The following KIF26B variants were observed in gnomAD, a reference collection of about 807,000 sequenced individuals.
KIF26B encodes kinesin family member 26B, also known as kinesin-like protein KIF26B.
A neutral mutation model predicts 151.2 loss-of-function variants in KIF26B; 63 were observed. The observed-to-expected ratio is 0.42, with a 90% CI of 0.34 to 0.51. The LOEUF is 0.51. Among genes scored for constraint, KIF26B ranks in the 20% least tolerant of loss-of-function variants. KIF26B has a pLI of 0.07. For missense variants in KIF26B, 2,813 were observed against 2,913.6 expected (o/e 0.97, Z 0.79); for synonymous variants, 1,357 against 1,262.1 (o/e 1.08, Z -1.59).
intron 5 of KIF26B, among the ~76,000 whole-genome samples, chr1:245,569,647 CTGGATGTGG>C (rs1163556588): frequency 1.3e-5 from 2 of 151,706 alleles, no homozygotes; most frequent in African/African-American, 4.8e-5. Context: ...CAAAAATTAG[CTGGATGTGG>C]TGGTGCATGC....
In KIF26B at chr1:245,366,704, G is replaced by T. The variant is rs1156612318; in HGVS notation, c.466-130G>T. The T allele has an allele frequency of 3.1e-5, 25 of 804,202 alleles. No individual in the cohort carries two copies. The East Asian group carries it at 6.7e-4, about 22-fold the overall frequency. 49.8% of individuals were successfully genotyped at this position (804,202 alleles called of 1,614,324 possible). On this transcript the variant is annotated intron_variant, in intron 2 of 14. Coordinates refer to ENST00000407071, the MANE Select transcript of KIF26B (RefSeq NM_018012.4). ...TCTGCCAGTGTGTCTTCTCATTTCT[G>T]TGGAATGCCAATCAAACTATCCAAC... is the stretch of plus-strand genomic sequence containing the variant.
At chr1:245,456,320 A>G (rs1285789771) in intron 4 of KIF26B, among the ~76,000 whole-genome samples, 2 of 152,236 alleles carry the variant, frequency 1.3e-5, no homozygotes, top group Non-Finnish European at 2.9e-5. Flanking sequence ...TGCCATGAAT[A>G]TGTTTGCACA....
chr1:245,334,670 AG>A (rs886804591), intron 2 of KIF26B, among the ~76,000 whole-genome samples: 1 of 152,214 alleles, frequency 6.6e-6, no homozygotes, highest in African/African-American at 2.4e-5. Flanking sequence ...GGGCAGACAA[AG>A]GAACAGAAAC....
At chr1:245,371,936 C>T (rs1005515644) in intron 3 of KIF26B, among the ~76,000 whole-genome samples, 17 of 152,118 alleles carry the variant, frequency 1.1e-4, no homozygotes, top group African/African-American at 3.6e-4. Context: ...GATTATAAGA[C>T]GGGCTTTCAA....
At position 245,685,534 on chromosome 1, in the gene KIF26B, G is replaced by C; in HGVS notation, c.2551G>C (p.Asp851His). The C allele has an allele frequency of 6.2e-7, 1 of 1,613,808 alleles. No individual in the cohort carries two copies. The highest frequency in any genetic ancestry group is 8.5e-7 in the Non-Finnish European group (1 of 1,179,884). The change falls in exon 12 of 15, where the codon GAC becomes CAC. Residue 851 changes from aspartate to histidine, a missense_variant. Physicochemically the swap from Asp to His is moderately conservative, Grantham distance 81. Transcript: ENST00000407071. ...CTTCCCCATCGCTCACCTGTCCAGC[G>C]ACCCCGACTACTCCTCCAGCAGCGA... ...PDFPIAHLSS[D>H]PDYSSSSEQS...
chr1:245,179,480 C>T (rs1049984836), intron 2 of KIF26B, among the ~76,000 whole-genome samples: 6 of 152,012 alleles, frequency 3.9e-5, no homozygotes, highest in African/African-American at 7.3e-5. Flanking sequence ...AAAAATTAGC[C>T]GGGCGTGGTG....
intron 4 of KIF26B, among the ~76,000 whole-genome samples, chr1:245,432,245 C>A (rs1036225277): frequency 6.6e-6 from 1 of 152,068 alleles, no homozygotes; most frequent in Admixed American, 6.6e-5. Flanking sequence ...GAGAAGTTTG[C>A]GAATTTTCCC....
intron 2 of KIF26B, among the ~76,000 whole-genome samples, chr1:245,295,842 T>A (rs1460548516): frequency 1.3e-5 from 2 of 152,162 alleles, no homozygotes; most frequent in Non-Finnish European, 2.9e-5. Context: ...ATTCTGAGGG[T>A]GGCTTGGGTG....
intron 5 of KIF26B, among the ~76,000 whole-genome samples, chr1:245,553,382 C>T (rs1229341434): frequency 6.6e-6 from 1 of 152,178 alleles, no homozygotes; most frequent in African/African-American, 2.4e-5. Flanking sequence ...ATGTTCCTGG[C>T]TGGCGTGCTG....
intron 5 of KIF26B, among the ~76,000 whole-genome samples, chr1:245,552,122 G>GTTGT (rs1553287299): frequency 7.6e-6 from 1 of 131,614 alleles, no homozygotes. Flanking sequence ...GAACCAGCAG[G>GTTGT]GTGTGTGTGT....
intron 2 of KIF26B, among the ~76,000 whole-genome samples, chr1:245,228,726 A>T (rs1669928630): frequency 6.6e-6 from 1 of 152,212 alleles, no homozygotes; most frequent in African/African-American, 2.4e-5. Flanking sequence ...TAATCTTCGC[A>T]GTAATCTGAG....
chr1:245,190,634 G>GTTTTTTTTTTTTTTTTTTTTTTTT (rs149338802), intron 2 of KIF26B, among the ~76,000 whole-genome samples: 6 of 106,854 alleles, frequency 5.6e-5, no homozygotes, highest in Non-Finnish European at 6.5e-5. Flanking sequence ...TGAATGTTTT[G>GTTTTTTTTTTTTTTTTTTTTTTTT]TTTTGTTTTT....
rs772012420 is a variant in KIF26B, at chr1:245,646,287, G to A, written c.2258+7G>A. The A allele has an allele frequency of 6.2e-7, 1 of 1,613,006 alleles. No individual in the cohort carries two copies. The highest frequency in any genetic ancestry group is 1.7e-5 in the Admixed American group (1 of 59,902). ...GCAAACACATTCCATACAAGTAAGT[G>A]ACTCTTCTACTCAAAGAATGTGGTG... On this transcript the variant is annotated splice_region_variant and intron_variant, in intron 10 of 14. Transcript: ENST00000407071.
At chr1:245,286,215 C>T (rs528420452) in intron 2 of KIF26B, among the ~76,000 whole-genome samples, 12 of 151,836 alleles carry the variant, frequency 7.9e-5, no homozygotes, top group African/African-American at 1.7e-4. Flanking sequence ...AACCTGTGGC[C>T]GGGATGGGTA....
In KIF26B at chr1:245,642,430, G is replaced by A. The variant is rs115950902; in HGVS notation, c.2099-3691G>A. ...GTCTGCTATAAGATGGAGGGTGGCC[G>A]GGTGCCTGTAGTCCTAGCTACTCGG... On this transcript the variant is annotated intron_variant, in intron 9 of 14. Coordinates refer to ENST00000407071, the MANE Select transcript of KIF26B (RefSeq NM_018012.4). Among the ~76,000 whole-genome samples, 849 of 152,084 alleles carry A rather than the reference G, an allele frequency of 5.6e-3. 6 individuals are homozygous for A. The highest frequency in any genetic ancestry group is 0.02 in the African/African-American group (810 of 41,488).
At chr1:245,653,564 C>T (rs1040798560) in intron 10 of KIF26B, among the ~76,000 whole-genome samples, 3 of 152,070 alleles carry the variant, frequency 2.0e-5, no homozygotes, top group African/African-American at 4.8e-5. Context: ...GATGGGGAAA[C>T]TGAGACACAG....
chr1:245,370,843 C>A (rs1321016666), intron 3 of KIF26B: 6 of 359,412 alleles, frequency 1.7e-5, no homozygotes, highest in Non-Finnish European at 3.3e-5. Context: ...ATTTACTGTA[C>A]AAGTATTTAT....
chr1:245,315,710 CAAAAAAAAAAA>C (rs34972152), intron 2 of KIF26B, among the ~76,000 whole-genome samples: 9 of 119,552 alleles, frequency 7.5e-5, no homozygotes, highest in Admixed American at 7.4e-4. Context: ...TGACAGAGTG[CAAAAAAAAAAA>C]AAAAAGAAAA....
At chr1:245,534,354 G>A (rs1369212681) in intron 4 of KIF26B, among the ~76,000 whole-genome samples, 1 of 151,968 alleles carries the variant, frequency 6.6e-6, no homozygotes, top group Non-Finnish European at 1.5e-5. Flanking sequence ...ATAGAGATGG[G>A]GTTTCACCAT....
Sources: gnomAD v4.1 joint callset for allele counts (sites outside exome capture counted in the v4.1 genomes callset) on GRCh38, gnomAD v4.1.1 for gene constraint, MANE v1.5 for transcripts, NCBI Gene and HGNC (gene_info 2026-07-23, HGNC 2026-07-21) for gene names.